FBLN7: variants seen among roughly 807,000 people sequenced by gnomAD.
The protein encoded by FBLN7 is fibulin 7, also known as fibulin-7.
Under a neutral mutation model 44.0 loss-of-function variants are expected in FBLN7, and 31 were observed. The ratio of observed to expected loss-of-function variants is 0.70; its 90% CI spans 0.53 to 0.95. FBLN7 has a LOEUF of 0.95. Ranked by LOEUF, FBLN7 falls within the 40% of genes least tolerant of loss-of-function variation. The probability of loss-of-function intolerance (pLI) is 0.00; values close to 1 mark genes in which losing one functional copy is unlikely to be tolerated. For missense variants in FBLN7, 573 were observed against 618.5 expected, an observed-to-expected ratio of 0.93 and a Z score of 0.78; for synonymous variants, 262 against 253.4, an observed-to-expected ratio of 1.03 and a Z score of -0.32.
At chr2:112,142,783 T>A (rs569285790) in intron 1 of FBLN7, among the ~76,000 whole-genome samples, 42 of 151,994 alleles carry the variant, frequency 2.8e-4, no homozygotes, top group Admixed American at 2.6e-4. Flanking sequence ...TGTGTGTGTG[T>A]CAATAGATGT....
At chr2:112,178,904 G>GGCGAAAGCTGAAA (rs1553478123) in intron 4 of FBLN7, among the ~76,000 whole-genome samples, 4 of 151,782 alleles carry the variant, frequency 2.6e-5, no homozygotes, top group South Asian at 4.2e-4. Context: ...GTACGGAATG[G>GGCGAAAGCTGAAA]GCATTCTCCT....
chr2:112,184,311 G>A (rs1477636446), intron 6 of FBLN7, among the ~76,000 whole-genome samples: 5 of 152,194 alleles, frequency 3.3e-5, no homozygotes, highest in South Asian at 2.1e-4. Context: ...ATGGGCTGAC[G>A]TGGGAATGTG....
intron 2 of FBLN7, among the ~76,000 whole-genome samples, chr2:112,163,744 TCA>T (rs1681998490): frequency 6.8e-6 from 1 of 148,094 alleles, no homozygotes; most frequent in African/African-American, 2.5e-5. Context: ...AGGCCCGGTC[TCA>T]CACGGAGAAC....
chr2:112,187,185 G>T lies in FBLN7; in HGVS notation c.999G>T (p.Leu333=), dbSNP rs558661682. ...TGGACAGCAGGCCCTGCCGCCATCT[G>T]CCCAAGACCATCTCCTTCCATTACC... The part of the protein sequence containing the change: ...CPMDSRPCRH[L]PKTISFHYLS... The change falls in exon 8 of 8, where the codon CTG becomes CTT. Residue 333 remains leucine (L), a synonymous_variant. Transcript: ENST00000331203. This position sits in a 1 kb window ranked among gnomAD's most constrained non-coding sequence, Gnocchi z 5.1. 4 of 1,613,974 alleles carry T rather than the reference G, an allele frequency of 2.5e-6. No homozygotes were observed. The African/African-American group carries it at 5.3e-5, about 22-fold the overall frequency.
At chr2:112,190,896 A>AT (rs1186572497), downstream of FBLN7, among the ~76,000 whole-genome samples, 3 of 152,086 alleles carry the variant, frequency 2.0e-5, no homozygotes, top group African/African-American at 4.8e-5. Context: ...TATTATTAGT[A>AT]TTTTTTAAGA....
At chr2:112,223,263 AAAAG>A in the FBLN7 span, among the ~76,000 whole-genome samples, 1 of 152,224 alleles carries the variant, frequency 6.6e-6, no homozygotes, top group Admixed American at 6.5e-5. Context: ...ATAATTTAAA[AAAAG>A]AAAAAAAAAG....
the FBLN7 span, among the ~76,000 whole-genome samples, chr2:112,204,054 AAAAGT>A: frequency 3.3e-5 from 5 of 152,184 alleles, no homozygotes; most frequent in Non-Finnish European, 7.3e-5. Context: ...TATTTTCAAA[AAAAGT>A]AAAGAAAACC....
At chr2:112,202,928 CTG>C in the FBLN7 span, among the ~76,000 whole-genome samples, 2 of 152,160 alleles carry the variant, frequency 1.3e-5, no homozygotes, top group Admixed American at 6.5e-5. Flanking sequence ...AGAGCTCACT[CTG>C]TGTGAACAGC....
chr2:112,206,573 C>T, the FBLN7 span, among the ~76,000 whole-genome samples: 1 of 151,572 alleles, frequency 6.6e-6, no homozygotes, highest in Non-Finnish European at 1.5e-5. Flanking sequence ...AGATGTACAC[C>T]ACCACAGCTA....
chr2:112,221,173 G>A, the FBLN7 span, among the ~76,000 whole-genome samples: 1 of 152,096 alleles, frequency 6.6e-6, no homozygotes, highest in Non-Finnish European at 1.5e-5. Context: ...TTGAATCTGT[G>A]TCCCTGCTCA....
the FBLN7 span, among the ~76,000 whole-genome samples, chr2:112,228,975 G>A: frequency 6.6e-6 from 1 of 152,134 alleles, no homozygotes; most frequent in Non-Finnish European, 1.5e-5. Flanking sequence ...TTTGAGAAAT[G>A]AAAATTACAA....
At chr2:112,208,649 C>CTA in the FBLN7 span, among the ~76,000 whole-genome samples, 1 of 152,056 alleles carries the variant, frequency 6.6e-6, no homozygotes, top group African/African-American at 2.4e-5. Flanking sequence ...ATGGAGTACC[C>CTA]TATGGTTCAG....
chr2:112,235,162 C>A, the FBLN7 span, among the ~76,000 whole-genome samples: 1 of 152,184 alleles, frequency 6.6e-6, no homozygotes, highest in Non-Finnish European at 1.5e-5. Context: ...CAAATTTTTG[C>A]ATACAGTTTT....
chr2:112,209,938 C>A, the FBLN7 span, among the ~76,000 whole-genome samples: 65 of 152,006 alleles, frequency 4.3e-4, 1 homozygote, highest in Middle Eastern at 0.01. Flanking sequence ...GAATCTATAC[C>A]AAGTGGAGCC....
intron 4 of FBLN7, among the ~76,000 whole-genome samples, chr2:112,179,680 A>G (rs1682891948): frequency 2.0e-5 from 3 of 152,226 alleles, no homozygotes; most frequent in Admixed American, 2.0e-4. Flanking sequence ...GAGCACAGAA[A>G]TAAGGCCACA....
intron 1 of FBLN7, among the ~76,000 whole-genome samples, chr2:112,142,598 C>G (rs768094743): frequency 2.4e-4 from 37 of 152,194 alleles, no homozygotes; most frequent in Non-Finnish European, 3.8e-4. Flanking sequence ...CAGGCTTCCT[C>G]GACCAAGGCC....
chr2:112,171,451 G>C (rs1682454738), intron 3 of FBLN7, among the ~76,000 whole-genome samples: 2 of 152,060 alleles, frequency 1.3e-5, no homozygotes, highest in South Asian at 2.1e-4. Flanking sequence ...GAAGGGAGCA[G>C]AGCTTCAGTC....
intron 2 of FBLN7, among the ~76,000 whole-genome samples, chr2:112,163,858 A>T (rs1372387193): frequency 6.6e-6 from 1 of 151,562 alleles, no homozygotes; most frequent in Non-Finnish European, 1.5e-5. Context: ...CACCTCGTCC[A>T]CTCTATTCCA....
downstream of FBLN7, chr2:112,190,641 G>A (rs1683455988): frequency 1.3e-5 from 2 of 152,244 alleles, no homozygotes; most frequent in African/African-American, 2.4e-5. Flanking sequence ...TGCTCAAATT[G>A]TTCTATCTTT....
Sources: gnomAD v4.1 joint callset for allele counts (sites outside exome capture counted in the v4.1 genomes callset) on GRCh38, gnomAD v4.1.1 for gene constraint, Gnocchi (gnomAD v3.1) non-coding constraint, MANE v1.5 for transcripts, NCBI Gene and HGNC (gene_info 2026-07-23, HGNC 2026-07-21) for gene names.